SYNE1: variants seen among roughly 807,000 people sequenced by gnomAD.
SYNE1 encodes nesprin-1.
SYNE1 carries 616 observed loss-of-function variants against 1,111.0 expected under a neutral mutation model. That is an observed-to-expected ratio of 0.55 (90% CI 0.52 to 0.59). The LOEUF (loss-of-function observed/expected upper bound fraction) is 0.59. Ranked by LOEUF, SYNE1 falls within the 20% of genes least tolerant of loss-of-function variation. The probability of loss-of-function intolerance (pLI) is 0.00; values close to 1 mark genes in which losing one functional copy is unlikely to be tolerated. For synonymous variants in SYNE1, 3,855 were observed against 3,825.8 expected, an observed-to-expected ratio of 1.01 and a Z score of -0.28; for missense variants, 10,006 against 10,417.0, an observed-to-expected ratio of 0.96 and a Z score of 1.72.
chr6:152,544,539 G>A (rs1408621106), intron 3 of SYNE1, among the ~76,000 whole-genome samples: 6 of 142,608 alleles, frequency 4.2e-5, no homozygotes, highest in Non-Finnish European at 3.1e-5. Flanking sequence ...CCGTAGAAAT[G>A]AGTTAAAAAA....
chr6:152,244,180 C>T (rs986219886), intron 106 of SYNE1, among the ~76,000 whole-genome samples: 2 of 152,088 alleles, frequency 1.3e-5, no homozygotes, highest in African/African-American at 4.8e-5. Context: ...AGACATAGTG[C>T]AATACGAGGG....
At chr6:152,474,555 A>G (rs1283978024) in intron 14 of SYNE1, 1 of 152,286 alleles carries the variant, frequency 6.6e-6, no homozygotes, top group Non-Finnish European at 1.5e-5. Flanking sequence ...AAATGCAAAT[A>G]CAATAGGAGG....
At chr6:152,400,285 C>G (rs2097792850) in intron 47 of SYNE1, among the ~76,000 whole-genome samples, 1 of 151,334 alleles carries the variant, frequency 6.6e-6, no homozygotes, top group Admixed American at 6.6e-5. Flanking sequence ...TAAAAGAGAA[C>G]AAATTGCATT....
At chr6:152,200,350 C>T (rs1371567344) in intron 127 of SYNE1, among the ~76,000 whole-genome samples, 1 of 152,192 alleles carries the variant, frequency 6.6e-6, no homozygotes, top group Admixed American at 6.5e-5. Context: ...AATATAGTCA[C>T]AGCCCCTAAT....
intron 62 of SYNE1, among the ~76,000 whole-genome samples, chr6:152,366,486 ACT>A (rs888018271): frequency 1.3e-5 from 2 of 151,776 alleles, no homozygotes; most frequent in African/African-American, 4.8e-5. Context: ...AGAAGGCAAG[ACT>A]CTGTCTTAAT....
intron 3 of SYNE1, among the ~76,000 whole-genome samples, chr6:152,613,183 A>G (rs1439525463): frequency 6.6e-6 from 1 of 152,240 alleles, no homozygotes. Context: ...AAGGATATTC[A>G]ATTAGGAAAA....
chr6:152,430,678 C>T lies in SYNE1; in HGVS notation c.4493G>A (p.Ser1498Asn). The change falls in exon 35 of 146, where the codon AGC becomes AAC. Residue 1498 changes from serine (S) to asparagine (N), a missense_variant. This residue lies in a region of SYNE1 where 1,971 missense variants were observed against 2,084.1 expected (regional missense o/e 0.95). Coordinates refer to ENST00000367255, the MANE Select transcript of SYNE1 (RefSeq NM_182961.4). ...VTIQEIESKL[S>N]SIVGLEEEAQ... Reference sequence around the variant, plus strand: ...TTCTTCTTCTAATCCTACAATGCTGCTGAGCTTACTTTCTATTTCCTGAAT... The same window carrying T: ...TTCTTCTTCTAATCCTACAATGCTGTTGAGCTTACTTTCTATTTCCTGAAT... The T allele has an allele frequency of 3.7e-6, 6 of 1,614,086 alleles. No individual in the cohort carries two copies. In the South Asian group the frequency reaches 5.5e-5, roughly 15 times the overall value.
At chr6:152,154,653 A>C (rs2061044074) in intron 133 of SYNE1, among the ~76,000 whole-genome samples, 1 of 152,208 alleles carries the variant, frequency 6.6e-6, no homozygotes, top group Middle Eastern at 3.2e-3. Flanking sequence ...TTCTAATAGA[A>C]TCTCTCTTCA....
chr6:152,490,556 C>T (rs1395122645), intron 11 of SYNE1, among the ~76,000 whole-genome samples: 2 of 152,112 alleles, frequency 1.3e-5, no homozygotes, highest in Non-Finnish European at 2.9e-5. Context: ...ACCTTGTAAC[C>T]CCTGCCTCTG....
At chr6:152,522,800 T>G (rs1054125602) in intron 5 of SYNE1, among the ~76,000 whole-genome samples, 9 of 152,178 alleles carry the variant, frequency 5.9e-5, no homozygotes, top group Admixed American at 1.3e-4. Flanking sequence ...ATTTCCCTGA[T>G]GACTAGTTAT....
rs2095842015 is a variant in SYNE1, at chr6:152,320,307, A to G, written c.16236+931T>C. 4 of 152,368 alleles carry G rather than the reference A, an allele frequency of 2.6e-5. No individual in the cohort carries two copies. The South Asian group carries it at 8.3e-4, about 32-fold the overall frequency. 9.4% of individuals were successfully genotyped at this position (152,368 alleles called of 1,614,324 possible). A position where few individuals can be genotyped will look rare whatever the true frequency, so the allele number is the denominator to read the frequency against. On this transcript the variant is annotated intron_variant, in intron 84 of 145. Transcript: ENST00000367255. The stretch of plus-strand genomic sequence containing the variant: ...TAGGTCAAAGTCATGATGCAGTAGG[A>G]TCAGATTTTGATGAGATTTTTAAAA...
chr6:152,343,670 G>T (rs1233306024), intron 74 of SYNE1, among the ~76,000 whole-genome samples: 1 of 151,670 alleles, frequency 6.6e-6, no homozygotes, highest in African/African-American at 2.4e-5. Context: ...CAGGCGGGTA[G>T]GTACCCTGCT....
chr6:152,586,114 G>A lies in SYNE1; in HGVS notation c.67+42151C>T, dbSNP rs147946471. Reference sequence around the variant, plus strand: ...ATATATGTCTAAATTACTATGGTTGGCAAGTATATTCCAATATCTAATAGA... The same window carrying A: ...ATATATGTCTAAATTACTATGGTTGACAAGTATATTCCAATATCTAATAGA... On this transcript the variant is annotated intron_variant, in intron 3 of 145. Coordinates refer to ENST00000367255, the MANE Select transcript of SYNE1 (RefSeq NM_182961.4). 4.4e-3 allele frequency among the ~76,000 whole-genome samples: 667 copies of A among 152,076 alleles called. 10 individuals carry two copies. The highest frequency in any genetic ancestry group is 0.015 in the African/African-American group (629 of 41,482).
intron 105 of SYNE1, among the ~76,000 whole-genome samples, chr6:152,248,399 C>A (rs1179402246): frequency 6.6e-6 from 1 of 151,684 alleles, no homozygotes; most frequent in Non-Finnish European, 1.5e-5. Context: ...TGATTTATAA[C>A]ATAAATTGCT....
intron 101 of SYNE1, among the ~76,000 whole-genome samples, chr6:152,261,569 C>T (rs1033978826): frequency 6.6e-6 from 1 of 152,158 alleles, no homozygotes; most frequent in Non-Finnish European, 1.5e-5. Flanking sequence ...CTAGACCCAC[C>T]AACGTCCCAA....
intron 11 of SYNE1, among the ~76,000 whole-genome samples, chr6:152,496,394 G>A (rs948327044): frequency 7.9e-5 from 12 of 152,176 alleles, no homozygotes; most frequent in Admixed American, 5.2e-4. Flanking sequence ...ACGCTGAACC[G>A]CCTTGGGCAC....
intron 3 of SYNE1, among the ~76,000 whole-genome samples, chr6:152,547,192 A>C (rs2128098643): frequency 6.6e-6 from 1 of 152,340 alleles, no homozygotes; most frequent in South Asian, 2.1e-4. Context: ...CACACCACTA[A>C]GATTTGGTGG....
intron 127 of SYNE1, among the ~76,000 whole-genome samples, chr6:152,190,241 G>A (rs2071838220): frequency 6.6e-6 from 1 of 152,076 alleles, no homozygotes; most frequent in Non-Finnish European, 1.5e-5. Flanking sequence ...ACATGAGATT[G>A]CAGAAACTCA....
chr6:152,620,303 A>G (rs1417984874), intron 3 of SYNE1, among the ~76,000 whole-genome samples: 2 of 151,996 alleles, frequency 1.3e-5, no homozygotes, highest in African/African-American at 4.8e-5. Flanking sequence ...CCATTTCACA[A>G]ACCTCTTTTC....
Sources: allele counts gnomAD v4.1 joint callset (sites outside exome capture counted in the v4.1 genomes callset), GRCh38; gene constraint gnomAD v4.1.1; regional missense constraint gnomAD v4.1.1; transcripts MANE v1.5; gene names NCBI Gene and HGNC (gene_info 2026-07-23, HGNC 2026-07-21).